The following MACROD2 variants were observed in gnomAD, a reference collection of about 807,000 sequenced individuals.
MACROD2 encodes the protein ADP-ribose glycohydrolase MACROD2.
Under a neutral mutation model 70.4 loss-of-function variants are expected in MACROD2, and 36 were observed. The ratio of observed to expected loss-of-function variants is 0.51; its 90% CI spans 0.39 to 0.68. The LOEUF is 0.68. MACROD2 is among the 30% of genes least tolerant of loss of function. MACROD2 has a pLI of 0.00. For synonymous variants in MACROD2, 172 were observed against 178.8 expected, an observed-to-expected ratio of 0.96 and a Z score of 0.30; for missense variants, 496 against 538.4, an observed-to-expected ratio of 0.92 and a Z score of 0.78.
At chr20:14,534,474 G>T (rs2085341273) in intron 4 of MACROD2, among the ~76,000 whole-genome samples, 2 of 152,298 alleles carry the variant, frequency 1.3e-5, no homozygotes, top group East Asian at 1.9e-4. Flanking sequence ...ATATAGAAAA[G>T]AAATTTTTTT....
chr20:14,034,580 C>T (rs987321631), intron 2 of MACROD2, among the ~76,000 whole-genome samples: 2 of 152,172 alleles, frequency 1.3e-5, no homozygotes, highest in African/African-American at 2.4e-5. Flanking sequence ...GCATATTTCT[C>T]AGCACCAACA....
intron 10 of MACROD2, 30 bp from the exon 11 acceptor site, chr20:15,933,243 TGCA>T: frequency 6.2e-7 from 1 of 1,605,310 alleles, no homozygotes; most frequent in Non-Finnish European, 8.5e-7. Flanking sequence ...ATTGACTTGA[TGCA>T]TTTTTTTTCC....
At chr20:15,160,396 A>G (rs1283997714) in intron 5 of MACROD2, among the ~76,000 whole-genome samples, 2 of 152,144 alleles carry the variant, frequency 1.3e-5, no homozygotes, top group Admixed American at 6.6e-5. Flanking sequence ...AAACCACTCT[A>G]TTGCAATTTC....
chr20:15,194,158 AT>A (rs1328543720), intron 5 of MACROD2, among the ~76,000 whole-genome samples: 1 of 136,260 alleles, frequency 7.3e-6, no homozygotes, highest in East Asian at 2.5e-4. Context: ...AGGCAGGAGA[AT>A]TGCTTGAACC....
chr20:14,137,956 G>A lies in MACROD2; in HGVS notation c.271+52228G>A, dbSNP rs569962801. ...AACACCAAAGATGGGCAAAGGACCT[G>A]AATAGAAAACTTTCCAAAGGACACA... On this transcript the variant is annotated intron_variant, in intron 3 of 17. Coordinates refer to ENST00000684519, the MANE Select transcript of MACROD2 (RefSeq NM_001351661.2). 2.6e-5 allele frequency among the ~76,000 whole-genome samples: 4 copies of A among 152,284 alleles called. No individual in the cohort carries two copies. The South Asian group carries it at 8.3e-4, about 32-fold the overall frequency.
At chr20:14,354,146 T>C (rs1012542459) in intron 3 of MACROD2, among the ~76,000 whole-genome samples, 1 of 152,240 alleles carries the variant, frequency 6.6e-6, no homozygotes, top group Non-Finnish European at 1.5e-5. Context: ...TACACCTTTT[T>C]AGATATTTAT....
At chr20:14,552,769 A>C (rs1263305085) in intron 4 of MACROD2, among the ~76,000 whole-genome samples, 2 of 152,250 alleles carry the variant, frequency 1.3e-5, no homozygotes, top group African/African-American at 4.8e-5. Flanking sequence ...ATATCTAAAC[A>C]TAGAAAAGGT....
chr20:15,640,293 G>T (rs917944510), intron 8 of MACROD2, among the ~76,000 whole-genome samples: 4 of 152,076 alleles, frequency 2.6e-5, no homozygotes, highest in Non-Finnish European at 5.9e-5. Flanking sequence ...AAAGGAAAAG[G>T]AGAGAGGATA....
intron 4 of MACROD2, among the ~76,000 whole-genome samples, chr20:14,632,195 A>G (rs911836217): frequency 3.0e-4 from 46 of 152,152 alleles, no homozygotes; most frequent in Non-Finnish European, 4.4e-5. Context: ...AAGGGTGGTC[A>G]TTCTAAATAT....
intron 5 of MACROD2, among the ~76,000 whole-genome samples, chr20:14,986,115 G>A (rs558585237): frequency 6.6e-6 from 1 of 152,270 alleles, no homozygotes; most frequent in South Asian, 2.1e-4. Context: ...CAGCTGTTGG[G>A]TTATTCCTGG....
intron 4 of MACROD2, among the ~76,000 whole-genome samples, chr20:14,667,136 G>C (rs909717642): frequency 6.6e-6 from 1 of 152,012 alleles, no homozygotes; most frequent in Non-Finnish European, 1.5e-5. Context: ...ATGCCTTATC[G>C]TAATGTAAAT....
At chr20:14,562,221 CT>C (rs2123294320) in intron 4 of MACROD2, among the ~76,000 whole-genome samples, 1 of 151,838 alleles carries the variant, frequency 6.6e-6, no homozygotes, top group South Asian at 2.1e-4. Flanking sequence ...ATGATCTCGT[CT>C]ACATGGAAAG....
chr20:15,497,530 T>TCC (rs775530176), intron 7 of MACROD2, among the ~76,000 whole-genome samples: 2 of 151,998 alleles, frequency 1.3e-5, no homozygotes, highest in East Asian at 1.9e-4. Flanking sequence ...GACCTCGTGA[T>TCC]CCTCCCACCT....
At chr20:15,748,567 C>A (rs1184826688) in intron 8 of MACROD2, among the ~76,000 whole-genome samples, 2 of 152,074 alleles carry the variant, frequency 1.3e-5, no homozygotes, top group East Asian at 3.9e-4. Context: ...AAGACTCCCA[C>A]CTTGGGTAGG....
chr20:15,948,415 AAAAAG>A lies in MACROD2; in HGVS notation c.907+10886_907+10890del, dbSNP rs1161808584. 1.9e-3 allele frequency among the ~76,000 whole-genome samples: 279 copies of A among 146,648 alleles called. 1 individual carries two copies. Among genetic ancestry groups the A allele is most frequent in the African/African-American group, 6.6e-3 (265 of 39,914 alleles). ...AAAAAAAAAAAAAAAAAAAAAAAGG[AAAAAG>A]AAAAGAAAAGAAAATGGGCCACTTT... On this transcript the variant is annotated intron_variant, in intron 12 of 17. Transcript: ENST00000684519.
At chr20:14,709,023 T>C (rs2071305101) in intron 5 of MACROD2, among the ~76,000 whole-genome samples, 1 of 152,148 alleles carries the variant, frequency 6.6e-6, no homozygotes, top group Non-Finnish European at 1.5e-5. Flanking sequence ...ATGTGAGCAG[T>C]CTTCTTTGAC....
chr20:14,119,399 C>G (rs180940308), intron 3 of MACROD2, among the ~76,000 whole-genome samples: 8 of 151,520 alleles, frequency 5.3e-5, no homozygotes, highest in African/African-American at 1.9e-4. Context: ...AAACTCCTGA[C>G]CTTCAGGTGA....
intron 10 of MACROD2, among the ~76,000 whole-genome samples, chr20:15,904,877 T>A: frequency 9.2e-6 from 1 of 109,058 alleles, no homozygotes; most frequent in Admixed American, 1.1e-4. Flanking sequence ...AGAGACTCTG[T>A]CTCAAAAAAA....
Position 15,563,754 on chromosome 20 carries a change from A to C in MACROD2, c.645+63907A>C, listed in dbSNP as rs188301719. 7.9e-5 allele frequency among the ~76,000 whole-genome samples: 12 copies of C among 152,318 alleles called. No individual in the cohort carries two copies. In the East Asian group the frequency reaches 2.3e-3, roughly 29 times the overall value. ...CTTTGCTGGAAATACTTGACTATAA[A>C]AACCTTTTAAAAAGTAGTTTGAAAG... On this transcript the variant is annotated intron_variant, in intron 8 of 17. Coordinates refer to ENST00000684519, the MANE Select transcript of MACROD2 (RefSeq NM_001351661.2).
Sources: gnomAD v4.1 joint callset for allele counts (sites outside exome capture counted in the v4.1 genomes callset) on GRCh38, gnomAD v4.1.1 for gene constraint, MANE v1.5 for transcripts, NCBI Gene and HGNC (gene_info 2026-07-23, HGNC 2026-07-21) for gene names.